RPIA: variants seen among roughly 807,000 people sequenced by gnomAD.
The protein encoded by RPIA is ribose 5-phosphate isomerase A.
In RPIA, 29 loss-of-function variants were observed where a neutral mutation model predicts 37.8. The observed-to-expected ratio is 0.77, with a 90% CI of 0.57 to 1.05. RPIA has a LOEUF of 1.05. Among genes scored for constraint, RPIA ranks in the 50% least tolerant of loss-of-function variants. RPIA has a pLI of 0.00. For missense variants in RPIA, 385 were observed against 413.6 expected (o/e 0.93, Z 0.60); for synonymous variants, 167 against 157.0 (o/e 1.06, Z -0.48).
chr2:88,721,409 T>C (rs867860632), intron 3 of RPIA, among the ~76,000 whole-genome samples: 2 of 148,776 alleles, frequency 1.3e-5, no homozygotes, highest in South Asian at 2.1e-4. Flanking sequence ...TTAATACTTA[T>C]AAATATATTA....
chr2:88,702,852 T>A (rs560134028), intron 3 of RPIA, among the ~76,000 whole-genome samples: 5 of 152,208 alleles, frequency 3.3e-5, no homozygotes, highest in Non-Finnish European at 7.3e-5. Flanking sequence ...ACAAGGCAAG[T>A]CACTTCAGCT....
chr2:88,697,410 T>G (rs1289977929), intron 1 of RPIA, among the ~76,000 whole-genome samples: 1 of 152,270 alleles, frequency 6.6e-6, no homozygotes, highest in Non-Finnish European at 1.5e-5. Context: ...CACTTGGCTT[T>G]GCCTTGCAAA....
chr2:88,738,499 T>C (rs1034243106), intron 8 of RPIA, among the ~76,000 whole-genome samples: 8 of 152,152 alleles, frequency 5.3e-5, no homozygotes, highest in Admixed American at 2.0e-4. Context: ...AAAGGCAAGA[T>C]GTTGTGCTGT....
Position 88,747,675 on chromosome 2 carries a change from G to T in RPIA, c.839-2306G>T, listed in dbSNP as rs538146633. Among the ~76,000 whole-genome samples, 9 of 152,214 alleles carry T rather than the reference G, an allele frequency of 5.9e-5. No individual in the cohort carries two copies. The East Asian group carries it at 1.7e-3, about 29-fold the overall frequency. On this transcript the variant is annotated intron_variant, in intron 8 of 8. Transcript: ENST00000283646. Reference sequence around the variant, plus strand: ...GCTGCTGCTTCTACTTTTATAGTTTGCTCAGCTCTCTAAATCCATTTCAGC... The same window carrying T: ...GCTGCTGCTTCTACTTTTATAGTTTTCTCAGCTCTCTAAATCCATTTCAGC...
rs112624162 is a variant in RPIA at position 88,698,362 on chromosome 2, G to T, written c.286-122G>T. The T allele has an allele frequency of 1.6e-3, 1,358 of 859,282 alleles. 6 individuals carry two copies. The highest frequency in any genetic ancestry group is 0.012 in the African/African-American group (700 of 60,344). The allele number at this position is 859,282 out of a possible 1,614,324, so 53.2% of individuals were successfully genotyped here. On this transcript the variant is annotated intron_variant, in intron 1 of 8. Coordinates refer to ENST00000283646, the MANE Select transcript of RPIA (RefSeq NM_144563.3). The stretch of plus-strand genomic sequence containing the variant: ...TTCCTATAAAATAGGCACAGTACCT[G>T]TCTTGTACCTGTGTTGGTGGATTGC...
At chr2:88,701,210 C>G (rs1034685421) in intron 3 of RPIA, among the ~76,000 whole-genome samples, 1 of 151,456 alleles carries the variant, frequency 6.6e-6, no homozygotes, top group African/African-American at 2.4e-5. Flanking sequence ...TGGATGGCCA[C>G]CCAGGGGACT....
At chr2:88,704,845 T>G (rs987167601) in intron 3 of RPIA, among the ~76,000 whole-genome samples, 39 of 152,344 alleles carry the variant, frequency 2.6e-4, no homozygotes, top group African/African-American at 9.1e-4. Flanking sequence ...AAAAGCTCCT[T>G]AAGCTGATAA....
At chr2:88,740,394 T>C (rs2104141435) in intron 8 of RPIA, among the ~76,000 whole-genome samples, 1 of 152,362 alleles carries the variant, frequency 6.6e-6, no homozygotes, top group Middle Eastern at 3.4e-3. Context: ...TAATGTGATA[T>C]CTACAGGACA....
intron 3 of RPIA, among the ~76,000 whole-genome samples, chr2:88,708,871 G>A (rs930533690): frequency 4.0e-5 from 6 of 150,940 alleles, no homozygotes; most frequent in South Asian, 2.1e-4. Flanking sequence ...GTACTCCTGC[G>A]TCAGCCTCCT....
At chr2:88,725,825 T>C (rs966237652) in intron 3 of RPIA, among the ~76,000 whole-genome samples, 4 of 152,144 alleles carry the variant, frequency 2.6e-5, no homozygotes, top group African/African-American at 9.7e-5. Context: ...GCTGGACCAC[T>C]CCTGCGGGGA....
At chr2:88,722,756 G>A (rs1230810915) in intron 3 of RPIA, among the ~76,000 whole-genome samples, 1 of 152,208 alleles carries the variant, frequency 6.6e-6, no homozygotes, top group Non-Finnish European at 1.5e-5. Flanking sequence ...GACCTAAGAA[G>A]AATCTGCCCA....
chr2:88,699,727 T>C (rs944099018), intron 2 of RPIA, among the ~76,000 whole-genome samples: 5 of 152,238 alleles, frequency 3.3e-5, no homozygotes, highest in Admixed American at 6.5e-5. Flanking sequence ...AGAGTTCATA[T>C]ATACAAAGTT....
intron 3 of RPIA, among the ~76,000 whole-genome samples, chr2:88,705,406 C>T (rs1672885239): frequency 6.6e-6 from 1 of 152,138 alleles, no homozygotes. Context: ...AGAAATAAGA[C>T]TGCACATCTA....
At chr2:88,728,862 G>T (rs937040232) in intron 3 of RPIA, among the ~76,000 whole-genome samples, 2 of 151,664 alleles carry the variant, frequency 1.3e-5, no homozygotes, top group East Asian at 1.9e-4. Context: ...AAACCACTCC[G>T]TGTCCATTCA....
Position 88,691,865 on chromosome 2 carries a change from G to C in RPIA, c.167G>C (p.Gly56Ala). 1.3e-6 allele frequency: 2 copies of C among 1,595,160 alleles called. No individual in the cohort carries two copies. The highest frequency in any genetic ancestry group is 1.7e-6 in the Non-Finnish European group (2 of 1,172,134). The change falls in exon 1 of 9, where the codon GGC becomes GCC. Residue 56 changes from glycine (G) to alanine (A), a missense_variant. By Grantham distance (60) the Gly-to-Ala change is moderately conservative. Transcript: ENST00000283646. Reference protein sequence around the residue: ...RAQSGTRGGAGNTSTSCGDSN... With the variant: ...RAQSGTRGGAANTSTSCGDSN... ...CAGTCTGGGACCCGTGGCGGTGCTG[G>C]CAACACAAGCACCAGCTGCGGGGAC...
chr2:88,720,174 A>G (rs991605310), intron 3 of RPIA, among the ~76,000 whole-genome samples: 1 of 152,178 alleles, frequency 6.6e-6, no homozygotes, highest in African/African-American at 2.4e-5. Context: ...CTGTAACTTA[A>G]TGTTACAAGA....
At chr2:88,701,000 A>G (rs1672823524) in intron 3 of RPIA, among the ~76,000 whole-genome samples, 1 of 152,140 alleles carries the variant, frequency 6.6e-6, no homozygotes. Flanking sequence ...AACCCTCCCA[A>G]TCCTGGAGAC....
chr2:88,728,202 A>G (rs1673221900), intron 3 of RPIA, among the ~76,000 whole-genome samples: 1 of 152,218 alleles, frequency 6.6e-6, no homozygotes, highest in Non-Finnish European at 1.5e-5. Flanking sequence ...TCTGGGGTTC[A>G]AAGTTTTTTT....
intron 3 of RPIA, among the ~76,000 whole-genome samples, chr2:88,707,643 T>C (rs1672913809): frequency 1.3e-5 from 2 of 152,228 alleles, no homozygotes; most frequent in African/African-American, 4.8e-5. Flanking sequence ...CATTATTTGA[T>C]TTCCAGTTTC....
Sources: gnomAD v4.1 joint callset for allele counts (sites outside exome capture counted in the v4.1 genomes callset) on GRCh38, gnomAD v4.1.1 for gene constraint, MANE v1.5 for transcripts, NCBI Gene and HGNC (gene_info 2026-07-23, HGNC 2026-07-21) for gene names.